The following NAALADL2 variants were observed in gnomAD, a reference collection of about 807,000 sequenced individuals.
NAALADL2 encodes the protein N-acetylated alpha-linked acidic dipeptidase like 2, also known as inactive N-acetylated-alpha-linked acidic dipeptidase-like protein 2.
NAALADL2 carries 76 observed loss-of-function variants against 87.2 expected under a neutral mutation model. The ratio of observed to expected loss-of-function variants is 0.87; its 90% CI spans 0.72 to 1.05. The LOEUF (loss-of-function observed/expected upper bound fraction) is 1.05, where lower values mean the gene tolerates loss of function less well. Ranked by LOEUF, NAALADL2 falls within the 50% of genes least tolerant of loss-of-function variation. The pLI, the probability that NAALADL2 is intolerant of heterozygous loss-of-function variation, is 0.00. For missense variants in NAALADL2, 1,089 were observed against 945.8 expected (o/e 1.15, Z -1.99); for synonymous variants, 354 against 331.0 (o/e 1.07, Z -0.75).
intron 1 of NAALADL2, among the ~76,000 whole-genome samples, chr3:174,987,774 G>A (rs1176420562): frequency 8.8e-5 from 12 of 135,778 alleles, no homozygotes; most frequent in Admixed American, 8.5e-4. Flanking sequence ...CCCCAGGCAT[G>A]CACTACCATA....
rs78605709 is a variant in NAALADL2 at position 174,748,882 on chromosome 3, T to G, written c.-9+11136T>G. Among the ~76,000 whole-genome samples the G allele has an allele frequency of 2.6e-5, 4 of 152,178 alleles. No homozygotes were observed. The East Asian group carries it at 7.7e-4, about 29-fold the overall frequency. ...TTCCTACATGGTTGTAACCTCTGAA[T>G]TGGTAAATGTAATTTTATTCATTTT... On this transcript the variant is annotated intron_variant, in intron 3 of 3. Coordinates refer to the NAALADL2 transcript ENST00000434257.
At chr3:174,515,456 A>G (rs1460310311) in intron 1 of NAALADL2, among the ~76,000 whole-genome samples, 1 of 152,106 alleles carries the variant, frequency 6.6e-6, no homozygotes, top group Non-Finnish European at 1.5e-5. Context: ...GGTAACTGCT[A>G]GTTAATTACA....
chr3:174,601,921 G>A (rs890182294), intron 2 of NAALADL2, among the ~76,000 whole-genome samples: 10 of 152,012 alleles, frequency 6.6e-5, no homozygotes, highest in Non-Finnish European at 1.0e-4. Context: ...CCCAGTATGT[G>A]TTCTCAGAAA....
chr3:175,450,256 G>C (rs1025864490), intron 6 of NAALADL2, among the ~76,000 whole-genome samples: 1 of 152,026 alleles, frequency 6.6e-6, no homozygotes, highest in Admixed American at 6.6e-5. Context: ...ACATGAAAAG[G>C]ATACTGAATG....
chr3:174,893,207 T>G (rs1731076260), intron 1 of NAALADL2, among the ~76,000 whole-genome samples: 1 of 151,884 alleles, frequency 6.6e-6, no homozygotes, highest in African/African-American at 2.4e-5. Flanking sequence ...GGCAATAATA[T>G]CCTTTAAACA....
rs78576711 is a variant in NAALADL2, at chr3:175,232,769, A to G, written c.546-1162A>G. ...AAATAATGTGATGGGCAAAAATAAC[A>G]GTAATATCAAAATAAACACTTAGGT... On this transcript the variant is annotated intron_variant, in intron 2 of 13. Transcript: ENST00000454872. Among the ~76,000 whole-genome samples the G allele has an allele frequency of 2.6e-3, 393 of 152,316 alleles. 3 individuals carry two copies. The highest frequency in any genetic ancestry group is 0.01 in the Middle Eastern group (3 of 294).
intron 1 of NAALADL2, among the ~76,000 whole-genome samples, chr3:175,006,285 G>C (rs548526367): frequency 6.6e-6 from 1 of 152,244 alleles, no homozygotes; most frequent in Admixed American, 6.5e-5. Flanking sequence ...TTATTTTGGA[G>C]GTGGAGTGTT....
chr3:175,597,410 G>A (rs4396903), intron 10 of NAALADL2, among the ~76,000 whole-genome samples: 8,302 of 151,938 alleles, frequency 0.055, 735 homozygotes, highest in African/African-American at 0.19. Flanking sequence ...TGAATTTGTA[G>A]AAGTGTGGTT....
intron 4 of NAALADL2, among the ~76,000 whole-genome samples, chr3:175,277,366 T>C (rs141635474): frequency 2.5e-4 from 38 of 152,308 alleles, no homozygotes; most frequent in Non-Finnish European, 4.9e-4. Flanking sequence ...ATAAACTGTA[T>C]CATGAGATTA....
At chr3:174,863,936 G>A in intron 1 of NAALADL2, 2 of 402,888 alleles carry the variant, frequency 5.0e-6, no homozygotes, top group Admixed American at 2.8e-5. Flanking sequence ...AAGACCTGAG[G>A]AATTTCAGAG....
intron 1 of NAALADL2, among the ~76,000 whole-genome samples, chr3:174,871,899 AAAAT>A (rs3884085): frequency 1.2e-3 from 186 of 151,744 alleles, no homozygotes; most frequent in African/African-American, 2.6e-3. Context: ...ACTCTGTTTC[AAAAT>A]AAATAAATAA....
At position 175,809,561 on chromosome 3, in the gene NAALADL2, A is replaced by C. The variant is rs1009946403; in HGVS notation, c.*6358A>C. 8.8e-5 allele frequency: 13 copies of C among 147,126 alleles called. No individual in the cohort carries two copies. The highest frequency in any genetic ancestry group is 3.2e-4 in the African/African-American group (13 of 40,234). The allele number at this position is 147,126 out of a possible 1,614,324, so 9.1% of individuals were successfully genotyped here. A position where few individuals can be genotyped will look rare whatever the true frequency, so the allele number is the denominator to read the frequency against. On this transcript the variant is annotated 3_prime_UTR_variant, in exon 14 of 14. Transcript: ENST00000454872. Reference sequence around the variant, plus strand: ...AAAAGAAAAGAAAAAGTAGCTAGGCATGTTGGTGTGCACCTTTGTAGTCCA... The same window carrying C: ...AAAAGAAAAGAAAAAGTAGCTAGGCCTGTTGGTGTGCACCTTTGTAGTCCA...
chr3:175,342,308 T>C (rs561389163), intron 5 of NAALADL2, among the ~76,000 whole-genome samples: 1 of 152,206 alleles, frequency 6.6e-6, no homozygotes, highest in East Asian at 1.9e-4. Context: ...AGGTACTTTG[T>C]GATTACTTGT....
intron 3 of NAALADL2, among the ~76,000 whole-genome samples, chr3:174,835,751 G>A (rs1014047822): frequency 6.6e-6 from 1 of 152,112 alleles, no homozygotes; most frequent in African/African-American, 2.4e-5. Context: ...CATGTGAAAA[G>A]ATACTCAACA....
chr3:174,550,008 C>G (rs150430024), intron 1 of NAALADL2, among the ~76,000 whole-genome samples: 377 of 151,940 alleles, frequency 2.5e-3, no homozygotes, highest in African/African-American at 8.4e-3. Flanking sequence ...GTTATTTATA[C>G]TAAGATCAGG....
chr3:175,579,970 C>T (rs114297152), intron 10 of NAALADL2, among the ~76,000 whole-genome samples: 4 of 152,066 alleles, frequency 2.6e-5, no homozygotes, highest in South Asian at 2.1e-4. Flanking sequence ...TTATACTTTT[C>T]GCTGTTCTGT....
At chr3:174,716,643 A>G (rs630690) in intron 2 of NAALADL2, among the ~76,000 whole-genome samples, 67,811 of 149,112 alleles carry the variant, frequency 0.45, 15,464 homozygotes, top group Middle Eastern at 0.52. Context: ...GCTAAGATTA[A>G]AAAAAAAAAT....
intron 3 of NAALADL2, among the ~76,000 whole-genome samples, chr3:174,794,465 A>G (rs1717832116): frequency 1.3e-5 from 2 of 150,116 alleles, no homozygotes; most frequent in Admixed American, 6.6e-5. Flanking sequence ...TAAGAATAAA[A>G]GAAAAAATGT....
At chr3:175,379,737 A>G (rs186576614) in intron 5 of NAALADL2, among the ~76,000 whole-genome samples, 1 of 152,062 alleles carries the variant, frequency 6.6e-6, no homozygotes, top group African/African-American at 2.4e-5. Context: ...TCATTTTTGT[A>G]AATATTCCTC....
Sources: allele counts gnomAD v4.1 joint callset (sites outside exome capture counted in the v4.1 genomes callset), GRCh38; gene constraint gnomAD v4.1.1; transcripts MANE v1.5; gene names NCBI Gene and HGNC (gene_info 2026-07-23, HGNC 2026-07-21).